Variants in TELO2 observed in about 807,000 individuals in gnomAD.
TELO2 encodes telomere length regulation protein TEL2 homolog.
Under a neutral mutation model 91.0 loss-of-function variants are expected in TELO2, and 71 were observed. The ratio of observed to expected loss-of-function variants is 0.78; its 90% confidence interval spans 0.64 to 0.95. The LOEUF is 0.95. Ranked by LOEUF, TELO2 falls within the 40% of genes least tolerant of loss-of-function variation. TELO2 has a pLI of 0.00. For synonymous variants in TELO2, 584 were observed against 518.9 expected, an observed-to-expected ratio of 1.13 and a Z score of -1.71; for missense variants, 1,183 against 1,141.3, an observed-to-expected ratio of 1.04 and a Z score of -0.53.
At position 1,505,696 on chromosome 16, in the gene TELO2, G is replaced by T. The variant is rs1238444061; in HGVS notation, c.2034+95G>T. 1 of 1,418,426 alleles carries T rather than the reference G, an allele frequency of 7.1e-7. No homozygotes were observed. 87.9% of individuals were successfully genotyped at this position (1,418,426 alleles called of 1,614,324 possible). ...CTCCAGGCGCTGTCTGCAGCGAGGG[G>T]CGGCCACATTCGCTGGGGATGGTGC... On this transcript the variant is annotated intron_variant, in intron 16 of 20. Transcript: ENST00000262319. This position sits in a 1 kb window ranked among gnomAD's most constrained non-coding sequence, Gnocchi z 4.3.
At chr16:1,496,377 A>G (rs934779505) in intron 3 of TELO2, among the ~76,000 whole-genome samples, 1 of 152,198 alleles carries the variant, frequency 6.6e-6, no homozygotes, top group African/African-American at 2.4e-5. Context: ...GGGTTCCTGC[A>G]GCAACCTCCT....
chr16:1,499,196 G>T, intron 5 of TELO2, 35 bp from the exon 6 acceptor site: 1 of 1,608,868 alleles, frequency 6.2e-7, no homozygotes, highest in Admixed American at 1.7e-5. Flanking sequence ...TCTCCAGGCC[G>T]GCTTGCAGCT....
Position 1,494,382 on chromosome 16 carries a change from C to A in TELO2, c.101C>A (p.Ser34Tyr). The change falls in exon 2 of 21, where the codon TCC (serine) becomes TAC (tyrosine). Residue 34 changes from serine to tyrosine, a missense_variant. Coordinates refer to ENST00000262319, the MANE Select transcript of TELO2 (RefSeq NM_016111.4). This position sits in a 1 kb window ranked among gnomAD's most constrained non-coding sequence, Gnocchi z 5.6. ...GGCCACATCTTCTGCACCCTGGAGT[C>A]CCTGAAGCGGTATCTCGGTGAGATG... is the stretch of plus-strand genomic sequence containing the variant. ...DGGHIFCTLESLKRYLGEMEP... is the reference protein window; with the variant it reads ...DGGHIFCTLEYLKRYLGEMEP... The A allele has an allele frequency of 6.2e-7, 1 of 1,613,604 alleles. No individual in the cohort carries two copies. Among genetic ancestry groups the A allele is most frequent in the Non-Finnish European group, 8.5e-7 (1 of 1,180,010 alleles).
At position 1,494,349 on chromosome 16, in the gene TELO2, A is replaced by G; in HGVS notation, c.68A>G (p.Glu23Gly). ...GCCATTCATGCCCTCTCGTCTTCGG[A>G]GGATGGCGGCCACATCTTCTGCACC... The part of the protein sequence containing the change: ...REAIHALSSS[E>G]DGGHIFCTLE... Residue 23 changes from glutamate to glycine, a missense_variant, in exon 2 of 21, where the codon GAG becomes GGG. Transcript: ENST00000262319. This position sits in a 1 kb window ranked among gnomAD's most constrained non-coding sequence, Gnocchi z 5.6. 1.9e-6 allele frequency: 3 copies of G among 1,612,744 alleles called. No individual in the cohort carries two copies. The highest frequency in any genetic ancestry group is 2.5e-6 in the Non-Finnish European group (3 of 1,179,872).
intron 11 of TELO2, 118 bp from the exon 12 acceptor site, chr16:1,501,910 AGCTCCCAGCTCCACCGTAG>A: frequency 7.0e-7 from 1 of 1,438,600 alleles, no homozygotes; most frequent in Non-Finnish European, 9.7e-7. Context: ...GAGGGCCCGC[AGCTCCCAGCTCCACCGTAG>A]GCGCAGGGGC....
chr16:1,504,410 G>A (rs2039809501), intron 15 of TELO2, among the ~76,000 whole-genome samples: 2 of 128,682 alleles, frequency 1.6e-5, no homozygotes, highest in Non-Finnish European at 3.3e-5. Flanking sequence ...CTCCAGACTG[G>A]GCGACAGAGC....
At chr16:1,496,841 G>A (rs1336366569) in intron 3 of TELO2, among the ~76,000 whole-genome samples, 195 bp from the exon 4 acceptor site, 2 of 152,242 alleles carry the variant, frequency 1.3e-5, no homozygotes, top group Admixed American at 6.5e-5. Context: ...GGTTTGAAAG[G>A]ATTGTGATTT....
In TELO2 at chr16:1,494,147, G is replaced by A. The variant is rs974294756; in HGVS notation, c.-36-99G>A. 49 of 779,734 alleles carry A rather than the reference G, an allele frequency of 6.3e-5. No homozygotes were observed. The highest frequency in any genetic ancestry group is 9.8e-5 in the Non-Finnish European group (48 of 487,904). The allele number at this position is 779,734 out of a possible 1,614,324, so 48.3% of individuals were successfully genotyped here. A position where few individuals can be genotyped will look rare whatever the true frequency, so the allele number is the denominator to read the frequency against. On this transcript the variant is annotated intron_variant, in intron 1 of 20. Transcript: ENST00000262319. This position sits in a 1 kb window ranked among gnomAD's most constrained non-coding sequence, Gnocchi z 5.6. ...CGGGACAGGGTTGGGTGGGACCAGG[G>A]TTGAGGGGTGTGGGGTCTCGGGGCG...
Position 1,503,009 on chromosome 16 carries a change from G to T in TELO2, c.1842+7G>T. 1 of 1,608,910 alleles carries T rather than the reference G, an allele frequency of 6.2e-7. No individual in the cohort carries two copies. On this transcript the variant is annotated splice_region_variant and intron_variant, in intron 15 of 20. Coordinates refer to ENST00000262319, the MANE Select transcript of TELO2 (RefSeq NM_016111.4). ...GCGCATGGACATCCTGGATGTAAGT[G>T]CCTCCTGGGCCTCAGTCCCCCTGGT...
chr16:1,502,444 G>T lies in TELO2; in HGVS notation c.1653+40G>T, dbSNP rs1217969828. 8 of 1,564,272 alleles carry T rather than the reference G, an allele frequency of 5.1e-6. No homozygotes were observed. In the Admixed American group the frequency reaches 9.4e-5, roughly 18 times the overall value. On this transcript the variant is annotated intron_variant, in intron 13 of 20. Transcript: ENST00000262319. Reference sequence around the variant, plus strand: ...GGAGTGGGTGGGGAGGCCCAAGATGGTAGCTCCCTCAATGCCATCTGTGTC... The same window carrying T: ...GGAGTGGGTGGGGAGGCCCAAGATGTTAGCTCCCTCAATGCCATCTGTGTC...
chr16:1,494,713 G>C lies in TELO2; in HGVS notation c.335+97G>C. 1.5e-6 allele frequency: 2 copies of C among 1,294,242 alleles called. No homozygotes were observed. The highest frequency in any genetic ancestry group is 3.0e-5 in the South Asian group (2 of 66,646). The allele number at this position is 1,294,242 out of a possible 1,614,324, so 80.2% of individuals were successfully genotyped here. ...CCAAGAGCCTCTCTAGTCCCTGTGA[G>C]GGGCTAGAGAGAGAGCCTGCTCCTG... On this transcript the variant is annotated intron_variant, in intron 2 of 20. Transcript: ENST00000262319. This position sits in a 1 kb window ranked among gnomAD's most constrained non-coding sequence, Gnocchi z 5.6.
At position 1,505,658 on chromosome 16, in the gene TELO2, G is replaced by A. The variant is rs2039867409; in HGVS notation, c.2034+57G>A. ...ATGGGGACCGTGGGTGGGTGGGAAG[G>A]GCGGTCAGACACCTCCAGGCGCTGT... On this transcript the variant is annotated intron_variant, in intron 16 of 20. Transcript: ENST00000262319. The surrounding 1 kb of genome is among the most constrained non-coding windows in gnomAD (Gnocchi z 4.3). 2 of 1,548,368 alleles carry A rather than the reference G, an allele frequency of 1.3e-6. No homozygotes were observed. Among genetic ancestry groups the A allele is most frequent in the Non-Finnish European group, 1.7e-6 (2 of 1,143,558 alleles).
At chr16:1,498,376 C>T (rs186315284) in intron 5 of TELO2, among the ~76,000 whole-genome samples, 1 of 152,158 alleles carries the variant, frequency 6.6e-6, no homozygotes, top group Non-Finnish European at 1.5e-5. Context: ...GTATTCTTTT[C>T]TCTGTGAACT....
chr16:1,505,654 G>GGGGC lies in TELO2; in HGVS notation c.2034+53_2034+54insGGGC. On this transcript the variant is annotated intron_variant, in intron 16 of 20. Transcript: ENST00000262319. The surrounding 1 kb of genome is among the most constrained non-coding windows in gnomAD (Gnocchi z 4.3). ...GGGCATGGGGACCGTGGGTGGGTGG[G>GGGGC]AAGGGCGGTCAGACACCTCCAGGCG... The GGGGC allele has an allele frequency of 1.1e-5, 7 of 666,564 alleles. No individual in the cohort carries two copies. The highest frequency in any genetic ancestry group is 1.8e-5 in the African/African-American group (1 of 54,716). 41.3% of individuals were successfully genotyped at this position (666,564 alleles called of 1,614,324 possible).
chr16:1,500,608 GT>G lies in TELO2; in HGVS notation c.1191del (p.Ser397ArgfsTer11). 5.0e-6 allele frequency: 8 copies of G among 1,612,278 alleles called. No homozygotes were observed. The highest frequency in any genetic ancestry group is 6.8e-6 in the Non-Finnish European group (8 of 1,179,736). ...GCGGGCGTGAAGTGCCGCCTGGACA[GT>G]AGCCTGCCCCCCGTGCGACGCCTGG... ...MMAGVKCRLD[S>X]SLPPVRRLGM... On this transcript the variant is annotated frameshift_variant, in exon 9 of 21. Transcript: ENST00000262319. LOFTEE classifies it high-confidence loss of function.
rs770450745 is a variant in TELO2 at position 1,501,468 on chromosome 16, C to T, written c.1330C>T (p.Gln444Ter). 1 of 1,611,772 alleles carries T rather than the reference C, an allele frequency of 6.2e-7. No homozygotes were observed. The highest frequency in any genetic ancestry group is 8.5e-7 in the Non-Finnish European group (1 of 1,179,328). ...SLELLALASP[Q>*]PAGDGASEAG... ...CGAGCTGCTGGCCTTGGCCTCCCCCCAGCCTGCGGGTGACGGCGCCTCGGA... is the reference window on the plus strand; with the variant it reads ...CGAGCTGCTGGCCTTGGCCTCCCCCTAGCCTGCGGGTGACGGCGCCTCGGA... Residue 444 changes from glutamine (Q) to a stop codon, truncating the protein, a stop_gained, in exon 10 of 21, where the codon CAG becomes TAG. Coordinates refer to ENST00000262319, the MANE Select transcript of TELO2 (RefSeq NM_016111.4). LOFTEE classifies it high-confidence loss of function.
At chr16:1,502,206 A>AG in intron 12 of TELO2, 71 bp downstream of exon 12, 1 of 1,594,290 alleles carries the variant, frequency 6.3e-7, no homozygotes, top group Non-Finnish European at 8.5e-7. Flanking sequence ...TTCTGCCTCA[A>AG]GGGGCCACCG....
At chr16:1,499,814 CCTGCCCCAGCACGGCAGCAG>C (rs2039613126) in intron 6 of TELO2, among the ~76,000 whole-genome samples, 1 of 152,260 alleles carries the variant, frequency 6.6e-6, no homozygotes, top group Admixed American at 6.5e-5. Flanking sequence ...ATGGCGAGGC[CCTGCCCCAGCACGGCAGCAG>C]CTGCATCCTA....
chr16:1,500,136 A>G lies in TELO2; in HGVS notation c.974A>G (p.Asp325Gly). 2 of 1,607,988 alleles carry G rather than the reference A, an allele frequency of 1.2e-6. No individual in the cohort carries two copies. The highest frequency in any genetic ancestry group is 1.7e-6 in the Non-Finnish European group (2 of 1,179,374). ...AGCCTGCTGGGCCATCTGGCCATGG[A>G]CAGCCAGCGGCGCCCGCTCCTGCTG... ...LQSLLGHLAMDSQRRPLLLQV... is the reference protein window; with the variant it reads ...LQSLLGHLAMGSQRRPLLLQV... Residue 325 changes from aspartate to glycine, a missense_variant, in exon 7 of 21, where the codon GAC becomes GGC. Asp to Gly is a moderately conservative substitution (Grantham distance 94). Coordinates refer to ENST00000262319, the MANE Select transcript of TELO2 (RefSeq NM_016111.4).
Sources: gnomAD v4.1 joint callset for allele counts (sites outside exome capture counted in the v4.1 genomes callset) on GRCh38, gnomAD v4.1.1 for gene constraint, Gnocchi (gnomAD v3.1) non-coding constraint, MANE v1.5 for transcripts, NCBI Gene and HGNC (gene_info 2026-07-23, HGNC 2026-07-21) for gene names.